ACP6: variants seen among roughly 807,000 people sequenced by gnomAD.
The protein encoded by ACP6 is lysophosphatidic acid phosphatase type 6.
Under a neutral mutation model 48.1 loss-of-function variants are expected in ACP6, and 48 were observed. The ratio of observed to expected loss-of-function variants is 1.00; its 90% CI spans 0.79 to 1.27. The LOEUF (loss-of-function observed/expected upper bound fraction) is 1.27, where lower values mean the gene tolerates loss of function less well. ACP6 is among the 50% of genes most tolerant of loss of function. ACP6 has a pLI of 0.00. For missense variants in ACP6, 485 were observed against 529.1 expected (o/e 0.92, Z 0.82); for synonymous variants, 172 against 204.2 (o/e 0.84, Z 1.34).
chr1:147,669,063 AT>A (rs1249439788), intron 1 of ACP6, among the ~76,000 whole-genome samples: 3 of 150,560 alleles, frequency 2.0e-5, no homozygotes, highest in African/African-American at 7.3e-5. Context: ...CCTTTCTGCT[AT>A]AAAAAGTCAC....
chr1:147,664,623 C>G (rs1660709989), intron 1 of ACP6, among the ~76,000 whole-genome samples: 1 of 152,170 alleles, frequency 6.6e-6, no homozygotes, highest in African/African-American at 2.4e-5. Context: ...TGTTTCCCAG[C>G]AAAGGGCCTC....
rs1348582534 is a variant in ACP6, at chr1:147,642,764, T to C, written c.*4659A>G. On this transcript the variant is annotated 3_prime_UTR_variant, in exon 10 of 10. Transcript: ENST00000583509. ...AGAGGAAATCTGCCTTCATGGAGCT[T>C]CCATTTTAGTCAGGGAAATAAGCAT... 3.3e-5 allele frequency: 5 copies of C among 152,200 alleles called. No homozygotes were observed. The highest frequency in any genetic ancestry group is 7.3e-5 in the Non-Finnish European group (5 of 68,046). 9.4% of individuals were successfully genotyped at this position (152,200 alleles called of 1,614,324 possible).
chr1:147,649,889 T>A (rs1439092730), intron 8 of ACP6: 1 of 508,340 alleles, frequency 2.0e-6, no homozygotes, highest in African/African-American at 2.0e-5. Flanking sequence ...TTGGCTACTG[T>A]TTGACATATC....
intron 1 of ACP6, among the ~76,000 whole-genome samples, chr1:147,661,461 T>C (rs1553212741): frequency 1.3e-5 from 2 of 152,168 alleles, no homozygotes; most frequent in African/African-American, 4.8e-5. Flanking sequence ...AAATGTTGTG[T>C]GTTTTCTGAG....
intron 1 of ACP6, among the ~76,000 whole-genome samples, chr1:147,662,031 T>C (rs1482779875): frequency 3.3e-5 from 5 of 152,254 alleles, no homozygotes; most frequent in Admixed American, 2.0e-4. Context: ...AAATGTACTC[T>C]GACTGTGCTG....
At chr1:147,667,688 G>C (rs1395042869) in intron 1 of ACP6, among the ~76,000 whole-genome samples, 1 of 151,516 alleles carries the variant, frequency 6.6e-6, no homozygotes, top group Non-Finnish European at 1.5e-5. Context: ...GCAGAACCAA[G>C]AAGATTAAAA....
rs1449515074 is a variant in ACP6, at chr1:147,670,073, G to C, written c.-25C>G. On this transcript the variant is annotated 5_prime_UTR_variant, in exon 1 of 10. Coordinates refer to ENST00000583509, the MANE Select transcript of ACP6 (RefSeq NM_016361.5). ...TGGTGGTAGGCCCTCGCTGCCCTCC[G>C]GGTTGAGGCTGCAGGAGGCAAACAC... is the stretch of plus-strand genomic sequence containing the variant. 8 of 1,477,982 alleles carry C rather than the reference G, an allele frequency of 5.4e-6. No individual in the cohort carries two copies. The Admixed American group carries it at 1.7e-4, about 31-fold the overall frequency. The allele number at this position is 1,477,982 out of a possible 1,614,324, so 91.6% of individuals were successfully genotyped here.
chr1:147,649,213 C>T lies in ACP6; in HGVS notation c.978-802G>A, dbSNP rs79558857. Among the ~76,000 whole-genome samples the T allele has an allele frequency of 9.8e-5, 15 of 152,310 alleles. No individual in the cohort carries two copies. In the East Asian group the frequency reaches 2.9e-3, roughly 29 times the overall value. ...TTCTAGCTGTGATACCACAACAGTG[C>T]TTCTCCAAAATTCAGGTGACTATCA... On this transcript the variant is annotated intron_variant, in intron 8 of 9. Coordinates refer to ENST00000583509, the MANE Select transcript of ACP6 (RefSeq NM_016361.5).
At chr1:147,634,006 G>T (rs1659236585) in intron 5 of ACP6, among the ~76,000 whole-genome samples, 1 of 152,068 alleles carries the variant, frequency 6.6e-6, no homozygotes, top group Non-Finnish European at 1.5e-5. Flanking sequence ...TTCTAACTTT[G>T]TACCCATTAA....
Position 147,659,710 on chromosome 1 carries a change from A to G in ACP6, c.285T>C (p.Asn95=). The change falls in exon 2 of 10, where the codon AAT becomes AAC. Residue 95 remains asparagine, a synonymous_variant. Coordinates refer to ENST00000583509, the MANE Select transcript of ACP6 (RefSeq NM_016361.5). ...PQTQFDYTVT[N]LAGGPKPYSP... ...AATATGGTTTCGGACCACCAGCTAG[A>G]TTGGTGACTGTGTAATCAAACTGAG... The G allele has an allele frequency of 6.2e-7, 1 of 1,614,108 alleles. No homozygotes were observed. Among genetic ancestry groups the G allele is most frequent in the Non-Finnish European group, 8.5e-7 (1 of 1,179,980 alleles).
Position 147,642,557 on chromosome 1 carries a change from CA to C in ACP6, c.*4865del, listed in dbSNP as rs1659487447. The C allele has an allele frequency of 6.6e-6, 1 of 151,990 alleles. No individual in the cohort carries two copies. Among genetic ancestry groups the C allele is most frequent in the Admixed American group, 6.6e-5 (1 of 15,244 alleles). 9.4% of individuals were successfully genotyped at this position (151,990 alleles called of 1,614,324 possible). On this transcript the variant is annotated 3_prime_UTR_variant, in exon 10 of 10. Transcript: ENST00000583509. ...GGAGAGGTATGCAGGGGCCAGGTCT[CA>C]GGGGGTGATGGAAAGCAAGTGAGGG...
At chr1:147,659,326 G>T (rs1660411206) in intron 3 of ACP6, 70 bp downstream of exon 3, 7 of 1,566,932 alleles carry the variant, frequency 4.5e-6, no homozygotes, top group Non-Finnish European at 4.3e-6. Context: ...ACCATCTTGG[G>T]GAGTCAGGAC....
downstream of ACP6, among the ~76,000 whole-genome samples, chr1:147,639,491 T>A (rs1330773258): frequency 6.6e-6 from 1 of 152,170 alleles, no homozygotes; most frequent in Non-Finnish European, 1.5e-5. Flanking sequence ...TTTGACCCCA[T>A]CAAGTTCTAC....
chr1:147,652,988 G>A (rs1268118549), intron 6 of ACP6, among the ~76,000 whole-genome samples: 21 of 152,344 alleles, frequency 1.4e-4, no homozygotes, highest in Admixed American at 2.6e-4. Context: ...CACCACGCCC[G>A]GCTAATTTTT....
chr1:147,656,638 A>G (rs1553211663), intron 4 of ACP6, among the ~76,000 whole-genome samples: 2 of 152,244 alleles, frequency 1.3e-5, no homozygotes, highest in African/African-American at 4.8e-5. Context: ...TCCCTGGGCA[A>G]GTCACTGAGC....
At chr1:147,659,070 T>G in intron 3 of ACP6, 31 bp from the exon 4 acceptor site, 2 of 1,573,492 alleles carry the variant, frequency 1.3e-6, no homozygotes, top group Non-Finnish European at 8.7e-7. Context: ...GTGACACTCA[T>G]AAAAGGAATA....
intron 7 of ACP6, chr1:147,650,759 T>G (rs1659879126): frequency 6.6e-6 from 1 of 152,338 alleles, no homozygotes; most frequent in African/African-American, 2.4e-5. Context: ...GTGGTCGTGC[T>G]CCCAGGCTTG....
chr1:147,656,692 C>T (rs1392509536), intron 4 of ACP6, among the ~76,000 whole-genome samples: 3 of 152,190 alleles, frequency 2.0e-5, no homozygotes, highest in Admixed American at 1.3e-4. Flanking sequence ...GGGATAATGA[C>T]ACCTATCTTA....
downstream of ACP6, among the ~76,000 whole-genome samples, chr1:147,640,785 G>T (rs148127209): frequency 1.3e-5 from 2 of 152,146 alleles, no homozygotes; most frequent in Non-Finnish European, 2.9e-5. Flanking sequence ...AAGGCCAAAC[G>T]GAGAGCGGAA....
Sources: allele counts gnomAD v4.1 joint callset (sites outside exome capture counted in the v4.1 genomes callset), GRCh38; gene constraint gnomAD v4.1.1; transcripts MANE v1.5; gene names NCBI Gene and HGNC (gene_info 2026-07-23, HGNC 2026-07-21).